The following ATXN7 variants were observed in gnomAD, a reference collection of about 807,000 sequenced individuals.
ATXN7 encodes the protein ataxin 7.
In ATXN7, 12 loss-of-function variants were observed where a neutral mutation model predicts 70.5. The ratio of observed to expected loss-of-function variants is 0.17; its 90% CI spans 0.11 to 0.28. The LOEUF (loss-of-function observed/expected upper bound fraction) is 0.28. Ranked by LOEUF, ATXN7 falls within the 10% of genes least tolerant of loss-of-function variation. The pLI is 1.00. For missense variants in ATXN7, 1,256 were observed against 1,131.7 expected (o/e 1.11, Z -1.58); for synonymous variants, 498 against 448.7 (o/e 1.11, Z -1.39).
intron 12 of ATXN7, chr3:63,998,656 G>T (rs1576010407): frequency 8.1e-6 from 8 of 985,298 alleles, no homozygotes; most frequent in Non-Finnish European, 9.6e-6. Context: ...CAAGAGCAGG[G>T]GTGCTTGCTT....
chr3:63,970,489 C>G (rs952450457), intron 5 of ATXN7, among the ~76,000 whole-genome samples: 2 of 152,080 alleles, frequency 1.3e-5, no homozygotes, highest in African/African-American at 2.4e-5. Flanking sequence ...CCTATCATTC[C>G]GTATTTTTCA....
intron 2 of ATXN7, among the ~76,000 whole-genome samples, chr3:63,902,502 C>T (rs1703679664): frequency 6.6e-6 from 1 of 152,128 alleles, no homozygotes; most frequent in Non-Finnish European, 1.5e-5. Context: ...GAAAGACTTT[C>T]AGAAATGTGT....
intron 5 of ATXN7, among the ~76,000 whole-genome samples, chr3:63,968,683 A>AT (rs139909795): frequency 5.3e-5 from 8 of 152,156 alleles, no homozygotes; most frequent in South Asian, 2.1e-4. Context: ...AGAAAAGATG[A>AT]TTTTTTTTAG....
intron 1 of ATXN7, among the ~76,000 whole-genome samples, chr3:63,867,765 C>T (rs1702478598): frequency 6.6e-6 from 1 of 152,088 alleles, no homozygotes. Context: ...GTGGTGTGGC[C>T]TGTAATCCCA....
At chr3:63,863,856 G>T, upstream of ATXN7, 2 of 1,214,330 alleles carry the variant, frequency 1.6e-6, no homozygotes. Flanking sequence ...GGCGGCGGAG[G>T]TCAAACTCCC....
chr3:63,980,700 C>CCCT (rs2106754958), intron 6 of ATXN7: 1 of 154,730 alleles, frequency 6.5e-6, no homozygotes, highest in Non-Finnish European at 1.4e-5. Context: ...AGTGTCTGGC[C>CCCT]ATAGGGGACG....
At chr3:63,965,051 A>G (rs1204045311) in intron 5 of ATXN7, among the ~76,000 whole-genome samples, 5 of 152,160 alleles carry the variant, frequency 3.3e-5, no homozygotes, top group Non-Finnish European at 7.4e-5. Context: ...AGAGCACTGA[A>G]TGACACCTCT....
At chr3:63,960,390 G>A (rs1019167270) in intron 5 of ATXN7, among the ~76,000 whole-genome samples, 1 of 152,180 alleles carries the variant, frequency 6.6e-6, no homozygotes. Context: ...ATGGGAAGTC[G>A]CTGGAGGGTT....
intron 2 of ATXN7, 111 bp from the exon 3 acceptor site, chr3:63,912,477 C>G (rs567872443): frequency 1.5e-6 from 1 of 658,504 alleles, no homozygotes; most frequent in South Asian, 5.9e-5. Flanking sequence ...GGGGCGCTGT[C>G]AGCGTGCCCC....
rs1041846382 is a variant in ATXN7 at position 64,003,164 on chromosome 3, A to G, written c.*3697A>G. On this transcript the variant is annotated 3_prime_UTR_variant, in exon 13 of 13. Coordinates refer to ENST00000674280, the MANE Select transcript of ATXN7 (RefSeq NM_001377405.1). ...TTTTCAGATAATTTAAATGAGCACT[A>G]CATACTGTCAGTGTGAATGTAGGGC... is the stretch of plus-strand genomic sequence containing the variant. 4 of 149,982 alleles carry G rather than the reference A, an allele frequency of 2.7e-5. No homozygotes were observed. The highest frequency in any genetic ancestry group is 9.8e-5 in the African/African-American group (4 of 40,628). 9.3% of individuals were successfully genotyped at this position (149,982 alleles called of 1,614,324 possible).
intron 4 of ATXN7, among the ~76,000 whole-genome samples, chr3:63,938,436 T>G (rs2074701287): frequency 6.6e-6 from 1 of 152,184 alleles, no homozygotes; most frequent in African/African-American, 2.4e-5. Context: ...TAGAAGTAAT[T>G]AACCAGCAGT....
intron 4 of ATXN7, among the ~76,000 whole-genome samples, chr3:63,950,773 A>T (rs933716947): frequency 6.6e-6 from 1 of 152,120 alleles, no homozygotes; most frequent in African/African-American, 2.4e-5. Context: ...GGAAAATAGC[A>T]TATTGTTTGG....
chr3:63,934,135 A>T (rs914359894), intron 4 of ATXN7, among the ~76,000 whole-genome samples: 3 of 152,158 alleles, frequency 2.0e-5, no homozygotes, highest in African/African-American at 7.2e-5. Flanking sequence ...GAAGCCAAAG[A>T]CTAATTCCTC....
chr3:63,989,883 CCTT>C (rs1237580973), intron 9 of ATXN7, among the ~76,000 whole-genome samples: 2 of 152,152 alleles, frequency 1.3e-5, no homozygotes, highest in African/African-American at 4.8e-5. Flanking sequence ...ATGTATTTCC[CCTT>C]CTTTGGGGGA....
intron 12 of ATXN7, chr3:63,997,981 GT>G: frequency 1.0e-6 from 1 of 985,360 alleles, no homozygotes; most frequent in South Asian, 4.7e-5. Context: ...TTGGTTTGTA[GT>G]TACTCATTAC....
chr3:63,881,161 G>C (rs565112816), intron 1 of ATXN7, among the ~76,000 whole-genome samples: 1 of 152,232 alleles, frequency 6.6e-6, no homozygotes, highest in South Asian at 2.1e-4. Context: ...ATTTGCTTGA[G>C]GTCACATAGT....
At chr3:63,959,128 C>G (rs927727947) in intron 5 of ATXN7, among the ~76,000 whole-genome samples, 5 of 152,196 alleles carry the variant, frequency 3.3e-5, no homozygotes, top group Non-Finnish European at 5.9e-5. Flanking sequence ...TCTCTTCTGC[C>G]TGTTCTACTT....
At chr3:63,910,741 ACCATGGT>A (rs1703982751) in intron 2 of ATXN7, among the ~76,000 whole-genome samples, 1 of 152,172 alleles carries the variant, frequency 6.6e-6, no homozygotes, top group South Asian at 2.1e-4. Context: ...ACAGGAAGTA[ACCATGGT>A]TTCACTTTTT....
intron 2 of ATXN7, among the ~76,000 whole-genome samples, chr3:63,908,572 T>C (rs1703914846): frequency 1.3e-5 from 2 of 152,254 alleles, no homozygotes; most frequent in South Asian, 4.1e-4. Context: ...AAGTATACTG[T>C]AGTTAACTGC....
Sources: allele counts gnomAD v4.1 joint callset (sites outside exome capture counted in the v4.1 genomes callset), GRCh38; gene constraint gnomAD v4.1.1; transcripts MANE v1.5; gene names NCBI Gene and HGNC (gene_info 2026-07-23, HGNC 2026-07-21).